The following CADPS variants were observed in gnomAD, a reference collection of about 807,000 sequenced individuals.
The protein encoded by CADPS is calcium-dependent secretion activator 1.
A neutral mutation model predicts 167.3 loss-of-function variants in CADPS; 57 were observed. The observed-to-expected ratio is 0.34, with a 90% CI of 0.28 to 0.42. CADPS has a LOEUF of 0.42. CADPS is among the 20% of genes least tolerant of loss of function. The pLI, the probability that CADPS is intolerant of heterozygous loss-of-function variation, is 1.00. For missense variants in CADPS, 1,414 were observed against 1,738.1 expected (o/e 0.81, Z 3.32); for synonymous variants, 676 against 635.3 (o/e 1.06, Z -0.96).
chr3:62,477,734 G>C lies in CADPS; in HGVS notation c.3329+527C>G, dbSNP rs187824730. On this transcript the variant is annotated intron_variant, in intron 23 of 29. Coordinates refer to ENST00000383710, the MANE Select transcript of CADPS (RefSeq NM_003716.4). Reference sequence around the variant, plus strand: ...ATGCCCCGCTGTTGAAATCCAGCTAGATTTTCAACAAGACAACTACAAGTT... The same window carrying C: ...ATGCCCCGCTGTTGAAATCCAGCTACATTTTCAACAAGACAACTACAAGTT... Among the ~76,000 whole-genome samples the C allele has an allele frequency of 2.8e-3, 429 of 152,218 alleles. 4 individuals carry two copies. The highest frequency in any genetic ancestry group is 9.3e-3 in the African/African-American group (386 of 41,544).
intron 3 of CADPS, among the ~76,000 whole-genome samples, chr3:62,735,090 AT>A (rs985049163): frequency 6.6e-6 from 1 of 152,128 alleles, no homozygotes; most frequent in African/African-American, 2.4e-5. Flanking sequence ...TTTATAACGC[AT>A]TTTTTTGTAA....
At chr3:62,827,675 GA>G (rs1026606565) in intron 1 of CADPS, among the ~76,000 whole-genome samples, 41 of 152,242 alleles carry the variant, frequency 2.7e-4, no homozygotes, top group African/African-American at 9.9e-4. Context: ...CACATACACT[GA>G]GGGGTTTCCA....
chr3:62,506,727 T>C (rs1452258635), intron 17 of CADPS, among the ~76,000 whole-genome samples: 1 of 152,210 alleles, frequency 6.6e-6, no homozygotes, highest in Non-Finnish European at 1.5e-5. Flanking sequence ...TGGCCAACCA[T>C]AGTACCTCAT....
chr3:62,604,243 C>T (rs1301165457), intron 6 of CADPS, among the ~76,000 whole-genome samples: 1 of 152,168 alleles, frequency 6.6e-6, no homozygotes, highest in Non-Finnish European at 1.5e-5. Context: ...TGCTCTTGGG[C>T]TTCTGCTCCA....
At chr3:62,770,524 C>G (rs1482420479) in intron 1 of CADPS, among the ~76,000 whole-genome samples, 2 of 152,140 alleles carry the variant, frequency 1.3e-5, no homozygotes, top group African/African-American at 2.4e-5. Context: ...CTCCTAGGTT[C>G]AAGTGATTCT....
intron 3 of CADPS, among the ~76,000 whole-genome samples, chr3:62,742,647 A>G (rs2080523463): frequency 6.6e-6 from 1 of 152,196 alleles, no homozygotes; most frequent in Non-Finnish European, 1.5e-5. Context: ...AAAGACTTAA[A>G]TATAAAACTC....
At chr3:62,671,998 T>C (rs1480316669) in intron 3 of CADPS, among the ~76,000 whole-genome samples, 2 of 152,104 alleles carry the variant, frequency 1.3e-5, no homozygotes, top group Non-Finnish European at 2.9e-5. Flanking sequence ...GCCCGGATGG[T>C]CTCGATCTCT....
intron 3 of CADPS, among the ~76,000 whole-genome samples, chr3:62,694,568 T>C (rs1478477942): frequency 6.6e-6 from 1 of 152,048 alleles, no homozygotes. Context: ...CTCATTGTAA[T>C]ATTCTGGAAA....
intron 13 of CADPS, among the ~76,000 whole-genome samples, chr3:62,525,260 G>A (rs1007202684): frequency 2.6e-5 from 4 of 152,114 alleles, no homozygotes; most frequent in Non-Finnish European, 4.4e-5. Context: ...AGAGAGTCAC[G>A]TGGGTTAAAA....
intron 6 of CADPS, among the ~76,000 whole-genome samples, chr3:62,628,700 C>T (rs2064634059): frequency 6.6e-6 from 1 of 150,918 alleles, no homozygotes; most frequent in South Asian, 2.1e-4. Context: ...AATCTTGGCT[C>T]ACTGCAACTT....
At chr3:62,840,310 C>G (rs888054747) in intron 1 of CADPS, among the ~76,000 whole-genome samples, 3 of 152,004 alleles carry the variant, frequency 2.0e-5, no homozygotes, top group African/African-American at 7.3e-5. Context: ...GAAAGATATA[C>G]AAATCCGACA....
At chr3:62,487,611 C>G (rs1187889471) in intron 21 of CADPS, among the ~76,000 whole-genome samples, 1 of 152,212 alleles carries the variant, frequency 6.6e-6, no homozygotes, top group African/African-American at 2.4e-5. Flanking sequence ...TTAACGGAAA[C>G]AGAGATGTAG....
At chr3:62,571,383 G>A (rs1189652273) in intron 8 of CADPS, among the ~76,000 whole-genome samples, 1 of 152,006 alleles carries the variant, frequency 6.6e-6, no homozygotes, top group Non-Finnish European at 1.5e-5. Context: ...AGGAATGCAG[G>A]TACATTACAG....
intron 13 of CADPS, among the ~76,000 whole-genome samples, chr3:62,528,077 G>T (rs966958806): frequency 5.3e-5 from 8 of 152,112 alleles, no homozygotes; most frequent in Admixed American, 5.2e-4. Context: ...ATTAGTTTTG[G>T]CCATCTTCAG....
chr3:62,678,809 A>G (rs2076696006), intron 3 of CADPS, among the ~76,000 whole-genome samples: 1 of 151,770 alleles, frequency 6.6e-6, no homozygotes, highest in Non-Finnish European at 1.5e-5. Context: ...AATTGGAGAC[A>G]TAAATATTGG....
At chr3:62,787,850 G>C (rs1036998631) in intron 1 of CADPS, among the ~76,000 whole-genome samples, 13 of 152,096 alleles carry the variant, frequency 8.5e-5, no homozygotes, top group African/African-American at 3.1e-4. Context: ...CTCTGTCTTT[G>C]GCACATGGTA....
rs375409290 is a variant in CADPS at position 62,626,546 on chromosome 3, T to C, written c.1325+19176A>G. 3.3e-5 allele frequency: 23 copies of C among 702,770 alleles called. No homozygotes were observed. The South Asian group carries it at 3.4e-4, about 10-fold the overall frequency. 43.5% of individuals were successfully genotyped at this position (702,770 alleles called of 1,614,324 possible). A position where few individuals can be genotyped will look rare whatever the true frequency, so the allele number is the denominator to read the frequency against. ...GACATCAAATGGCACTGTGAGGCAG[T>C]TGTTCTCTTCTGTTTCTCCTGATTA... is the stretch of plus-strand genomic sequence containing the variant. On this transcript the variant is annotated intron_variant, in intron 6 of 29. Coordinates refer to ENST00000383710, the MANE Select transcript of CADPS (RefSeq NM_003716.4).
intron 6 of CADPS, among the ~76,000 whole-genome samples, chr3:62,620,571 G>T (rs373790806): frequency 5.3e-5 from 8 of 152,126 alleles, no homozygotes; most frequent in Non-Finnish European, 1.0e-4. Context: ...CTGCTTCCAT[G>T]CTTTAGAACA....
At chr3:62,828,565 G>A (rs2074484514) in intron 1 of CADPS, among the ~76,000 whole-genome samples, 1 of 151,856 alleles carries the variant, frequency 6.6e-6, no homozygotes, top group Admixed American at 6.6e-5. Context: ...ATAACACAAG[G>A]GTTATGCCTA....
Sources: gnomAD v4.1 joint callset for allele counts (sites outside exome capture counted in the v4.1 genomes callset) on GRCh38, gnomAD v4.1.1 for gene constraint, MANE v1.5 for transcripts, NCBI Gene and HGNC (gene_info 2026-07-23, HGNC 2026-07-21) for gene names.